The following SMYD3 variants were observed in gnomAD, a reference collection of about 807,000 sequenced individuals.
SMYD3 encodes histone-lysine N-methyltransferase SMYD3.
SMYD3 carries 36 observed loss-of-function variants against 57.7 expected under a neutral mutation model. The ratio of observed to expected loss-of-function variants is 0.62; its 90% CI spans 0.48 to 0.82. The LOEUF is 0.82. Ranked by LOEUF, SMYD3 falls within the 40% of genes least tolerant of loss-of-function variation. SMYD3 has a pLI of 0.00. For synonymous variants in SMYD3, 211 were observed against 195.0 expected (o/e 1.08, Z -0.68); for missense variants, 515 against 538.8 (o/e 0.96, Z 0.44).
intron 8 of SMYD3, among the ~76,000 whole-genome samples, chr1:245,882,542 G>A (rs1022338620): frequency 5.9e-5 from 9 of 152,070 alleles, no homozygotes; most frequent in East Asian, 1.9e-4. Context: ...AGGAAAAAGT[G>A]AATGAAGTTT....
chr1:246,196,354 G>A (rs1222409963), intron 5 of SMYD3, among the ~76,000 whole-genome samples: 1 of 152,138 alleles, frequency 6.6e-6, no homozygotes, highest in African/African-American at 2.4e-5. Context: ...AAGATTCCAA[G>A]GGGTAAATTC....
intron 5 of SMYD3, among the ~76,000 whole-genome samples, chr1:246,178,115 G>A (rs2062464554): frequency 6.6e-6 from 1 of 152,148 alleles, no homozygotes; most frequent in African/African-American, 2.4e-5. Context: ...CCAGAGTGTA[G>A]CAACAGTTCC....
At chr1:246,401,195 T>C (rs1448514489) in intron 1 of SMYD3, among the ~76,000 whole-genome samples, 2 of 152,128 alleles carry the variant, frequency 1.3e-5, no homozygotes, top group African/African-American at 2.4e-5. Flanking sequence ...GCTGATGATA[T>C]TAAACTCTAA....
intron 5 of SMYD3, among the ~76,000 whole-genome samples, chr1:246,225,244 C>G (rs940593534): frequency 1.4e-5 from 2 of 138,240 alleles, no homozygotes; most frequent in African/African-American, 5.5e-5. Flanking sequence ...AATGGCTAAA[C>G]AGAGGGAAAA....
chr1:245,941,139 C>T (rs2147895662), intron 5 of SMYD3, among the ~76,000 whole-genome samples: 1 of 152,236 alleles, frequency 6.6e-6, no homozygotes, highest in East Asian at 1.9e-4. Flanking sequence ...AAGGAATGAA[C>T]AAAACCTCCA....
intron 5 of SMYD3, among the ~76,000 whole-genome samples, chr1:246,115,284 G>A (rs1320650769): frequency 1.3e-5 from 2 of 152,164 alleles, no homozygotes; most frequent in Non-Finnish European, 2.9e-5. Flanking sequence ...ATAAGACCAC[G>A]AATACTGCCT....
intron 5 of SMYD3, among the ~76,000 whole-genome samples, chr1:246,154,791 T>G (rs1324564497): frequency 6.6e-6 from 1 of 151,354 alleles, no homozygotes; most frequent in Admixed American, 6.6e-5. Flanking sequence ...TGTTTTTTGT[T>G]TTTTTTTTGA....
intron 5 of SMYD3, among the ~76,000 whole-genome samples, chr1:246,325,157 G>C (rs575331176): frequency 0.012 from 11 of 936 alleles, 3 homozygotes; most frequent in African/African-American, 0.031. Context: ...GAAGGAGTCG[G>C]GGGGGCGGGA....
intron 11 of SMYD3, among the ~76,000 whole-genome samples, chr1:245,756,077 C>T (rs999636015): frequency 6.7e-6 from 1 of 148,420 alleles, no homozygotes; most frequent in East Asian, 1.9e-4. Context: ...TTTGTGGTTG[C>T]TCCACGTCTT....
Position 245,887,754 on chromosome 1 carries a change from C to T in SMYD3, c.814-23868G>A, listed in dbSNP as rs2053168602. Among the ~76,000 whole-genome samples, 5 of 152,254 alleles carry T rather than the reference C, an allele frequency of 3.3e-5. No homozygotes were observed. The South Asian group carries it at 1.0e-3, about 32-fold the overall frequency. ...AACTGTGTCTGGGTATCTATCTCCA[C>T]ATTAGAATGGAAGCCACCTACAGGA... On this transcript the variant is annotated intron_variant, in intron 8 of 11. Transcript: ENST00000490107.
At chr1:246,443,587 G>A (rs765868062) in intron 1 of SMYD3, among the ~76,000 whole-genome samples, 3 of 152,194 alleles carry the variant, frequency 2.0e-5, no homozygotes, top group Non-Finnish European at 4.4e-5. Context: ...GCCAGTCTGG[G>A]GCAAGGGAGG....
In SMYD3 at chr1:246,300,353, GGAT is replaced by G. The variant is rs1216185853; in HGVS notation, c.531+26845_531+26847del. 2.0e-5 allele frequency among the ~76,000 whole-genome samples: 3 copies of G among 152,142 alleles called. No individual in the cohort carries two copies. In the East Asian group the frequency reaches 5.8e-4, roughly 29 times the overall value. ...AGACAATGGCTTTTGTTGTGTTGAA[GGAT>G]CAAGGGGACTTAGATGTATTAAAGG... On this transcript the variant is annotated intron_variant, in intron 5 of 11. Transcript: ENST00000490107.
At chr1:246,023,485 G>A (rs1332995689) in intron 5 of SMYD3, among the ~76,000 whole-genome samples, 1 of 152,068 alleles carries the variant, frequency 6.6e-6, no homozygotes, top group African/African-American at 2.4e-5. Context: ...GTTTTCAGTA[G>A]AAAAGAGTTG....
At chr1:245,812,164 C>T (rs184331048) in intron 10 of SMYD3, among the ~76,000 whole-genome samples, 101 of 152,290 alleles carry the variant, frequency 6.6e-4, no homozygotes, top group Non-Finnish European at 5.1e-4. Context: ...CACTTTACCT[C>T]GGTGGACCTT....
rs561879286 is a variant in SMYD3 at position 246,085,070 on chromosome 1, G to C, written c.532-155133C>G. 9.2e-5 allele frequency among the ~76,000 whole-genome samples: 14 copies of C among 152,278 alleles called. No homozygotes were observed. In the East Asian group the frequency reaches 2.1e-3, roughly 23 times the overall value. ...CAGCTTTAAAGCTGTACATCCTAAA[G>C]AATATTGCATTTTCTCTTTTAACAA... On this transcript the variant is annotated intron_variant, in intron 5 of 11. Transcript: ENST00000490107.
At chr1:245,929,328 TG>T (rs2147844291) in intron 6 of SMYD3, among the ~76,000 whole-genome samples, 1 of 152,354 alleles carries the variant, frequency 6.6e-6, no homozygotes, top group East Asian at 1.9e-4. Flanking sequence ...AAAAACAAAA[TG>T]AAACTGGGTG....
chr1:245,959,202 T>C (rs934920852), intron 5 of SMYD3, among the ~76,000 whole-genome samples: 6 of 152,326 alleles, frequency 3.9e-5, no homozygotes, highest in Admixed American at 3.3e-4. Flanking sequence ...CCTTAAGTGA[T>C]TGACCTGCCT....
intron 8 of SMYD3, among the ~76,000 whole-genome samples, chr1:245,893,696 C>T (rs572976796): frequency 3.2e-4 from 48 of 152,216 alleles, no homozygotes; most frequent in Non-Finnish European, 5.9e-4. Context: ...GGGGTATAGA[C>T]ATGGATACAA....
chr1:245,830,997 C>T (rs1338815384), intron 10 of SMYD3, among the ~76,000 whole-genome samples: 2 of 152,124 alleles, frequency 1.3e-5, no homozygotes, highest in Non-Finnish European at 2.9e-5. Flanking sequence ...CCTGGTTTCT[C>T]TCACCACAAA....
Sources: allele counts gnomAD v4.1 joint callset (sites outside exome capture counted in the v4.1 genomes callset), GRCh38; gene constraint gnomAD v4.1.1; transcripts MANE v1.5; gene names NCBI Gene and HGNC (gene_info 2026-07-23, HGNC 2026-07-21).